Variants in HLCS observed in about 807,000 individuals in gnomAD.
HLCS encodes biotin--protein ligase.
HLCS carries 53 observed loss-of-function variants against 75.0 expected under a neutral mutation model. The observed-to-expected ratio is 0.71, with a 90% CI of 0.57 to 0.89. The LOEUF (loss-of-function observed/expected upper bound fraction) is 0.89, where lower values mean the gene tolerates loss of function less well. Among genes scored for constraint, HLCS ranks in the 40% least tolerant of loss-of-function variants. The probability of loss-of-function intolerance (pLI) is 0.00; values close to 1 mark genes in which losing one functional copy is unlikely to be tolerated. For synonymous variants in HLCS, 431 were observed against 428.6 expected (o/e 1.01, Z -0.07); for missense variants, 966 against 1,074.0 (o/e 0.90, Z 1.41).
intron 6 of HLCS, among the ~76,000 whole-genome samples, chr21:36,846,132 G>A (rs2062789950): frequency 2.0e-5 from 3 of 152,164 alleles, no homozygotes; most frequent in African/African-American, 7.2e-5. Context: ...TCCTAAAAGT[G>A]ATACATAGTA....
chr21:36,781,032 CA>C (rs1435217330), intron 6 of HLCS, among the ~76,000 whole-genome samples: 1 of 149,942 alleles, frequency 6.7e-6, no homozygotes, highest in Non-Finnish European at 1.5e-5. Flanking sequence ...AGCCGCTCCC[CA>C]CAGCTCACGT....
chr21:36,801,052 C>T (rs959306726), intron 6 of HLCS, among the ~76,000 whole-genome samples: 1 of 152,180 alleles, frequency 6.6e-6, no homozygotes, highest in East Asian at 1.9e-4. Flanking sequence ...GTATTATGGA[C>T]ATTGTTCTGG....
intron 1 of HLCS, 21 bp downstream of exon 1, chr21:36,966,419 TCGCC>T (rs1432023444): frequency 6.4e-6 from 3 of 472,266 alleles, no homozygotes; most frequent in Admixed American, 6.4e-5. Context: ...GGGGCCCGGG[TCGCC>T]CGCCCGCCCG....
At chr21:36,772,487 A>C (rs1373912731) in intron 6 of HLCS, among the ~76,000 whole-genome samples, 1 of 151,808 alleles carries the variant, frequency 6.6e-6, no homozygotes, top group African/African-American at 2.4e-5. Context: ...AAAATACAAA[A>C]ATTTAGCCAG....
rs535207398 is a variant in HLCS at position 36,884,687 on chromosome 21, G to A, written c.1892+12173C>T. The stretch of plus-strand genomic sequence containing the variant: ...ATTATCTTTTCTAACCCTAAACCTT[G>A]CCTTATTACCTTTTGTGGTCTTTTA... On this transcript the variant is annotated intron_variant, in intron 6 of 10. Coordinates refer to ENST00000674895, the MANE Select transcript of HLCS (RefSeq NM_001352514.2). Among the ~76,000 whole-genome samples the A allele has an allele frequency of 2.6e-5, 4 of 152,278 alleles. No individual in the cohort carries two copies. In the South Asian group the frequency reaches 8.3e-4, roughly 32 times the overall value.
chr21:36,914,774 A>G (rs1364056295), intron 5 of HLCS, among the ~76,000 whole-genome samples: 1 of 152,198 alleles, frequency 6.6e-6, no homozygotes, highest in East Asian at 1.9e-4. Context: ...TGCCTCCACA[A>G]TGAGAGACGC....
chr21:36,938,838 T>A lies in HLCS; in HGVS notation c.487A>T (p.Ile163Phe). 1 of 1,614,028 alleles carries A rather than the reference T, an allele frequency of 6.2e-7. No homozygotes were observed. Among genetic ancestry groups the A allele is most frequent in the Non-Finnish European group, 8.5e-7 (1 of 1,180,006 alleles). The change falls in exon 3 of 11, where the codon ATT becomes TTT. Residue 163 changes from isoleucine (I) to phenylalanine (F), a missense_variant. Physicochemically the swap from Ile to Phe is conservative, Grantham distance 21 (BLOSUM62 0). Transcript: ENST00000674895. ...HMDNGLVPQK[I>F]VSVHLQDSTL... is the part of the protein sequence containing the mutation. The stretch of plus-strand genomic sequence containing the variant: ...ATTTTCTAAAGTTACTTACACACAA[T>A]CTTTTGGGGTACCAGTCCATTATCC...
chr21:36,908,306 T>C (rs115998268), intron 5 of HLCS, among the ~76,000 whole-genome samples: 1,782 of 152,030 alleles, frequency 0.012, 27 homozygotes, highest in African/African-American at 0.037. Context: ...GCAGGATCAC[T>C]TGAGCCCAGG....
In HLCS at chr21:36,936,566, T is replaced by C. The variant is rs371691827; in HGVS notation, c.1320A>G (p.Glu440=). The C allele has an allele frequency of 6.2e-7, 1 of 1,614,084 alleles. No homozygotes were observed. The highest frequency in any genetic ancestry group is 1.1e-5 in the South Asian group (1 of 91,090). The change falls in exon 4 of 11, where the codon GAA becomes GAG. Residue 440 remains glutamate (E), a synonymous_variant. Coordinates refer to ENST00000674895, the MANE Select transcript of HLCS (RefSeq NM_001352514.2). ...SVLSSGCRYQ[E]GPVRLSPGRL... ...TGCCGGGGCTGAGCCGGACGGGGCCTTCCTGGTACCTGCAGCCACTGCTCA... is the reference window on the plus strand; with the variant it reads ...TGCCGGGGCTGAGCCGGACGGGGCCCTCCTGGTACCTGCAGCCACTGCTCA...
chr21:36,778,119 C>G (rs1397639709), intron 6 of HLCS, among the ~76,000 whole-genome samples: 1 of 152,040 alleles, frequency 6.6e-6, no homozygotes, highest in Admixed American at 6.5e-5. Context: ...CAGGCGCCCG[C>G]CACCACGCCC....
rs2089353633 is a variant in HLCS, at chr21:36,751,222, A to G, written c.*3024T>C. 6.5e-6 allele frequency: 1 copy of G among 152,674 alleles called. No individual in the cohort carries two copies. The highest frequency in any genetic ancestry group is 2.1e-4 in the South Asian group (1 of 4,832). The allele number at this position is 152,674 out of a possible 1,614,324, so 9.5% of individuals were successfully genotyped here. A position where few individuals can be genotyped will look rare whatever the true frequency, so the allele number is the denominator to read the frequency against. Reference sequence around the variant, plus strand: ...AGAAAGTCTTAGTTTATTTTGGTAGACTTGCTTTTTATAGGCATTGGTTTA... The same window carrying G: ...AGAAAGTCTTAGTTTATTTTGGTAGGCTTGCTTTTTATAGGCATTGGTTTA... On this transcript the variant is annotated 3_prime_UTR_variant, in exon 11 of 11. Transcript: ENST00000674895.
chr21:36,849,276 G>C (rs2062904030), intron 6 of HLCS, among the ~76,000 whole-genome samples: 1 of 152,158 alleles, frequency 6.6e-6, no homozygotes, highest in Non-Finnish European at 1.5e-5. Flanking sequence ...ATCCATCATG[G>C]TGCACCAACT....
In HLCS at chr21:36,903,725, C is replaced by T. The variant is rs182878425; in HGVS notation, c.1621-6594G>A. On this transcript the variant is annotated intron_variant, in intron 5 of 10. Coordinates refer to ENST00000674895, the MANE Select transcript of HLCS (RefSeq NM_001352514.2). ...CATTTAAGAAACATGTATGGAGTAC[C>T]CACGGTGTCTCAAACACAGTACCAT... Among the ~76,000 whole-genome samples, 283 of 152,186 alleles carry T rather than the reference C, an allele frequency of 1.9e-3. 2 individuals carry two copies. Among genetic ancestry groups the T allele is most frequent in the African/African-American group, 6.3e-3 (262 of 41,524 alleles).
chr21:36,819,252 T>A (rs2061753954), intron 6 of HLCS, among the ~76,000 whole-genome samples: 1 of 152,190 alleles, frequency 6.6e-6, no homozygotes, highest in Non-Finnish European at 1.5e-5. Context: ...TTTGCAAAAG[T>A]TGATCCTCAG....
intron 8 of HLCS, among the ~76,000 whole-genome samples, chr21:36,764,533 A>C (rs1366783488): frequency 6.6e-6 from 1 of 151,784 alleles, no homozygotes; most frequent in African/African-American, 2.4e-5. Flanking sequence ...GTGAAACCCC[A>C]TCTCTACTAA....
chr21:36,786,319 T>A (rs1218075686), intron 6 of HLCS, among the ~76,000 whole-genome samples: 1 of 151,774 alleles, frequency 6.6e-6, no homozygotes, highest in Non-Finnish European at 1.5e-5. Flanking sequence ...CACAGTACCA[T>A]ACCGCCAAAG....
chr21:36,946,722 G>T (rs2067416100), intron 2 of HLCS, among the ~76,000 whole-genome samples: 1 of 152,152 alleles, frequency 6.6e-6, no homozygotes, highest in Non-Finnish European at 1.5e-5. Context: ...AGAATATTTG[G>T]ACAAAGAGAA....
At chr21:36,780,461 G>A (rs149980556) in intron 6 of HLCS, among the ~76,000 whole-genome samples, 2,985 of 151,746 alleles carry the variant, frequency 0.02, 102 homozygotes, top group African/African-American at 0.068. Flanking sequence ...CTCGTGATCC[G>A]CCTGCCTCAG....
intron 2 of HLCS, among the ~76,000 whole-genome samples, chr21:36,956,525 A>G (rs1158615127): frequency 3.3e-5 from 5 of 152,122 alleles, no homozygotes; most frequent in East Asian, 1.9e-4. Flanking sequence ...TCAGGAGATC[A>G]AGACCATTCT....
Sources: gnomAD v4.1 joint callset for allele counts (sites outside exome capture counted in the v4.1 genomes callset) on GRCh38, gnomAD v4.1.1 for gene constraint, MANE v1.5 for transcripts, NCBI Gene and HGNC (gene_info 2026-07-23, HGNC 2026-07-21) for gene names.